UBE2B: variants seen among roughly 807,000 people sequenced by gnomAD.
UBE2B encodes ubiquitin-conjugating enzyme E2 B.
A neutral mutation model predicts 24.6 loss-of-function variants in UBE2B; 11 were observed. The observed-to-expected ratio is 0.45, with a 90% CI of 0.28 to 0.74. UBE2B has a LOEUF of 0.74. Ranked by LOEUF, UBE2B falls within the 30% of genes least tolerant of loss-of-function variation. The probability of loss-of-function intolerance (pLI) is 0.13; values close to 1 mark genes in which losing one functional copy is unlikely to be tolerated. For synonymous variants in UBE2B, 68 were observed against 62.4 expected, an observed-to-expected ratio of 1.09 and a Z score of -0.42; for missense variants, 78 against 185.6, an observed-to-expected ratio of 0.42 and a Z score of 3.37.
chr5:134,381,945 A>G (rs1404719341), intron 4 of UBE2B, among the ~76,000 whole-genome samples: 1 of 152,140 alleles, frequency 6.6e-6, no homozygotes, highest in African/African-American at 2.4e-5. Flanking sequence ...CTCTGTCTCC[A>G]AAAAAACAAA....
At chr5:134,376,338 AAAAAAAAAAAAT>A (rs1314553497) in intron 2 of UBE2B, among the ~76,000 whole-genome samples, 2 of 4,378 alleles carry the variant, frequency 4.6e-4, no homozygotes, top group South Asian at 5.1e-3. Flanking sequence ...AAAAAAAAAA[AAAAAAAAAAAAT>A]ATATATATAT....
chr5:134,381,396 CA>C (rs1758707599), intron 4 of UBE2B, among the ~76,000 whole-genome samples: 1 of 152,186 alleles, frequency 6.6e-6, no homozygotes, highest in South Asian at 2.1e-4. Context: ...GCTGGGACGA[CA>C]GGTGTGGACC....
rs1758890556 is a variant in UBE2B at position 134,391,106 on chromosome 5, A to G, written c.*753A>G. On this transcript the variant is annotated 3_prime_UTR_variant, in exon 6 of 6. Transcript: ENST00000265339. ...CACAGTTGGCACTTCTGCCATGAGC[A>G]GAGAACTGATGCGACTTGTTTTGCT... 2.0e-5 allele frequency: 3 copies of G among 152,702 alleles called. No individual in the cohort carries two copies. The highest frequency in any genetic ancestry group is 2.0e-4 in the Admixed American group (3 of 15,288). 9.5% of individuals were successfully genotyped at this position (152,702 alleles called of 1,614,324 possible).
chr5:134,383,463 C>A (rs1758743270), intron 4 of UBE2B, among the ~76,000 whole-genome samples: 1 of 146,124 alleles, frequency 6.8e-6, no homozygotes, highest in African/African-American at 2.6e-5. Context: ...ATGTGTGCCA[C>A]CATACCCAGC....
intron 1 of UBE2B, among the ~76,000 whole-genome samples, chr5:134,373,753 C>T (rs1254497361): frequency 1.3e-5 from 2 of 152,072 alleles, no homozygotes; most frequent in South Asian, 2.1e-4. Context: ...TTTGTCCTTG[C>T]GGTAGTTTGC....
chr5:134,388,681 T>C (rs1758847938), intron 5 of UBE2B, among the ~76,000 whole-genome samples: 1 of 152,068 alleles, frequency 6.6e-6, no homozygotes, highest in Non-Finnish European at 1.5e-5. Context: ...GGAAAAACCA[T>C]AGGAACCTAA....
At chr5:134,376,535 A>C in intron 2 of UBE2B, 134 bp from the exon 3 acceptor site, 1 of 893,774 alleles carries the variant, frequency 1.1e-6, no homozygotes, top group Non-Finnish European at 1.8e-6. Context: ...GTGTTACTAA[A>C]CTCTATCTTA....
intron 3 of UBE2B, 27 bp downstream of exon 3, chr5:134,376,721 T>C (rs1758616166): frequency 6.2e-7 from 1 of 1,604,064 alleles, no homozygotes; most frequent in Admixed American, 1.7e-5. Context: ...ATGTTTTCTA[T>C]AGTGTTATGA....
At chr5:134,385,515 A>G (rs1758785299) in intron 4 of UBE2B, 1 of 152,240 alleles carries the variant, frequency 6.6e-6, no homozygotes, top group Non-Finnish European at 1.5e-5. Flanking sequence ...GTTCACTTCT[A>G]GAAATTTTTT....
chr5:134,376,898 C>A (rs1208479837), intron 3 of UBE2B, among the ~76,000 whole-genome samples: 1 of 152,152 alleles, frequency 6.6e-6, no homozygotes, highest in Non-Finnish European at 1.5e-5. Flanking sequence ...TTAAAGGTTA[C>A]TTTAATATTT....
intron 3 of UBE2B, among the ~76,000 whole-genome samples, chr5:134,380,127 G>GGGCC (rs1758685223): frequency 6.6e-6 from 1 of 152,182 alleles, no homozygotes; most frequent in Admixed American, 6.5e-5. Flanking sequence ...GGCCAGGCTA[G>GGGCC]TCTCAACTCC....
At chr5:134,379,471 C>A (rs972307036) in intron 3 of UBE2B, among the ~76,000 whole-genome samples, 1 of 151,904 alleles carries the variant, frequency 6.6e-6, no homozygotes, top group South Asian at 2.1e-4. Context: ...CATGGTGAAA[C>A]GTCGTCTCTA....
At chr5:134,376,176 A>G (rs1758599042) in intron 2 of UBE2B, among the ~76,000 whole-genome samples, 1 of 149,854 alleles carries the variant, frequency 6.7e-6, no homozygotes, top group African/African-American at 2.5e-5. Context: ...TCTACTAAAA[A>G]TACAAAAATT....
rs1349937271 is a variant in UBE2B, at chr5:134,390,567, T to C, written c.*214T>C. 8 of 516,886 alleles carry C rather than the reference T, an allele frequency of 1.5e-5. No homozygotes were observed. Among genetic ancestry groups the C allele is most frequent in the Non-Finnish European group, 2.4e-5 (7 of 294,038 alleles). 32.0% of individuals were successfully genotyped at this position (516,886 alleles called of 1,614,324 possible). The stretch of plus-strand genomic sequence containing the variant: ...ACTAAGTTATTGCTGCATAAATTTG[T>C]AATATATCCTGTTTGTATTTTTTTC... On this transcript the variant is annotated 3_prime_UTR_variant, in exon 6 of 6. Transcript: ENST00000265339. This position sits in a 1 kb window ranked among gnomAD's most constrained non-coding sequence, Gnocchi z 4.6.
intron 3 of UBE2B, among the ~76,000 whole-genome samples, chr5:134,379,365 G>C (rs1325393360): frequency 6.6e-6 from 1 of 151,744 alleles, no homozygotes; most frequent in Non-Finnish European, 1.5e-5. Context: ...TACTTTTTTT[G>C]CTGGGTGCAG....
At chr5:134,380,547 G>A (rs975550281) in intron 3 of UBE2B, among the ~76,000 whole-genome samples, 172 bp from the exon 4 acceptor site, 3 of 152,112 alleles carry the variant, frequency 2.0e-5, no homozygotes, top group African/African-American at 2.4e-5. Flanking sequence ...CCAATGCTGC[G>A]TGTTACCATT....
rs770962874 is a variant in UBE2B, at chr5:134,390,191, A to G, written c.331-34A>G. The G allele has an allele frequency of 1.5e-5, 24 of 1,612,802 alleles. No individual in the cohort carries two copies. In the Admixed American group the frequency reaches 2.8e-4, roughly 19 times the overall value. On this transcript the variant is annotated intron_variant, in intron 5 of 5. Transcript: ENST00000265339. The surrounding 1 kb of genome is among the most constrained non-coding windows in gnomAD (Gnocchi z 4.6). Reference sequence around the variant, plus strand: ...ACCCCTGTTGGTATAAAGAACAACTATGCAAATCTGTTTTTTCTTTTCTTT... The same window carrying G: ...ACCCCTGTTGGTATAAAGAACAACTGTGCAAATCTGTTTTTTCTTTTCTTT...
intron 5 of UBE2B, chr5:134,388,876 A>T: frequency 3.1e-6 from 1 of 320,826 alleles, no homozygotes; most frequent in Non-Finnish European, 5.9e-6. Context: ...TGTGGATTTG[A>T]GAGGAGCAGA....
At chr5:134,383,473 CTTTTT>C (rs747399191) in intron 4 of UBE2B, among the ~76,000 whole-genome samples, 7 of 80,040 alleles carry the variant, frequency 8.7e-5, no homozygotes, top group Middle Eastern at 8.3e-3. Flanking sequence ...CCATACCCAG[CTTTTT>C]TTTTTTTTTT....
Sources: gnomAD v4.1 joint callset for allele counts (sites outside exome capture counted in the v4.1 genomes callset) on GRCh38, gnomAD v4.1.1 for gene constraint, Gnocchi (gnomAD v3.1) non-coding constraint, MANE v1.5 for transcripts, NCBI Gene and HGNC (gene_info 2026-07-23, HGNC 2026-07-21) for gene names.